The following STXBP5 variants were observed in gnomAD, a reference collection of about 807,000 sequenced individuals.
STXBP5 encodes syntaxin binding protein 5.
A neutral mutation model predicts 152.4 loss-of-function variants in STXBP5; 50 were observed. The ratio of observed to expected loss-of-function variants is 0.33; its 90% confidence interval spans 0.26 to 0.42. STXBP5 has a LOEUF of 0.42. STXBP5 is among the 10% of genes least tolerant of loss of function. The probability of loss-of-function intolerance (pLI) is 1.00; values close to 1 mark genes in which losing one functional copy is unlikely to be tolerated. For synonymous variants in STXBP5, 492 were observed against 494.7 expected (o/e 0.99, Z 0.07); for missense variants, 1,167 against 1,388.6 (o/e 0.84, Z 2.54).
chr6:147,229,748 AG>A (rs1777900354), intron 2 of STXBP5, among the ~76,000 whole-genome samples: 1 of 151,434 alleles, frequency 6.6e-6, no homozygotes, highest in Non-Finnish European at 1.5e-5. Context: ...TATTCATTCC[AG>A]TTTTTTTTAG....
Position 147,316,280 on chromosome 6 carries a change from G to A in STXBP5, c.1675G>A (p.Gly559Ser), listed in dbSNP as rs375927984. The A allele has an allele frequency of 1.4e-5, 23 of 1,613,720 alleles. No homozygotes were observed. Among genetic ancestry groups the A allele is most frequent in the Non-Finnish European group, 1.7e-5 (20 of 1,179,948 alleles). The change falls in exon 16 of 28, where the codon GGT becomes AGT. Residue 559 changes from glycine to serine, a missense_variant. Coordinates refer to ENST00000321680, the MANE Select transcript of STXBP5 (RefSeq NM_001127715.4). ...GATAAATGATGTGGAAACTCCGGAG[G>A]GTGAGCAGCCACCACCTTTGCCAAC... is the stretch of plus-strand genomic sequence containing the variant. ...YEINDVETPE[G>S]EQPPPLPTPV...
At position 147,260,716 on chromosome 6, in the gene STXBP5, G is replaced by A; in HGVS notation, c.533G>A (p.Gly178Asp). The change falls in exon 5 of 28, where the codon GGC (glycine) becomes GAC (aspartate). Residue 178 changes from glycine (G) to aspartate (D), a missense_variant. Coordinates refer to ENST00000321680, the MANE Select transcript of STXBP5 (RefSeq NM_001127715.4). ...IVNVESFTLS[G>D]YVIMWNKAIE... ...AATGTGGAGTCCTTCACACTCTCAG[G>A]CTACGTCATTATGTGGAATAAAGCC... 1 of 1,613,530 alleles carries A rather than the reference G, an allele frequency of 6.2e-7. No homozygotes were observed.
chr6:147,350,721 GTA>G (rs1315944912), intron 21 of STXBP5, among the ~76,000 whole-genome samples: 1 of 152,108 alleles, frequency 6.6e-6, no homozygotes, highest in Non-Finnish European at 1.5e-5. Context: ...TAGCTCATCT[GTA>G]TAGTGTTTTA....
chr6:147,242,339 C>A (rs118031434), intron 4 of STXBP5, among the ~76,000 whole-genome samples: 5,387 of 151,902 alleles, frequency 0.035, 146 homozygotes, highest in Admixed American at 0.054. Context: ...ATGTTTATGA[C>A]GTAAAGTTTA....
At chr6:147,322,789 T>G (rs1783003532) in intron 16 of STXBP5, among the ~76,000 whole-genome samples, 1 of 152,230 alleles carries the variant, frequency 6.6e-6, no homozygotes. Context: ...TGTTCACATT[T>G]TTTAAAAAAA....
chr6:147,362,572 T>C (rs1247174036), intron 23 of STXBP5, among the ~76,000 whole-genome samples: 1 of 152,160 alleles, frequency 6.6e-6, no homozygotes, highest in Non-Finnish European at 1.5e-5. Flanking sequence ...TTGTAAATCA[T>C]TTAAGAGGAA....
Position 147,316,423 on chromosome 6 carries a change from C to G in STXBP5, c.1802+16C>G. The G allele has an allele frequency of 6.7e-7, 1 of 1,484,112 alleles. No homozygotes were observed. Among genetic ancestry groups the G allele is most frequent in the Non-Finnish European group, 8.9e-7 (1 of 1,118,188 alleles). 91.9% of individuals were successfully genotyped at this position (1,484,112 alleles called of 1,614,324 possible). ...CTTGTTTAAAGTAAGTTATAAAAAA[C>G]TACAGAGGAGTTTTGGATATTATCT... On this transcript the variant is annotated intron_variant, in intron 16 of 27. Transcript: ENST00000321680.
intron 11 of STXBP5, among the ~76,000 whole-genome samples, chr6:147,311,871 TACTC>T (rs1484651510): frequency 6.6e-6 from 1 of 152,180 alleles, no homozygotes; most frequent in Non-Finnish European, 1.5e-5. Context: ...TTTCTACGTC[TACTC>T]ACTCTCAGTT....
chr6:147,231,319 C>G (rs77552191), intron 2 of STXBP5, among the ~76,000 whole-genome samples: 120 of 151,892 alleles, frequency 7.9e-4, no homozygotes, highest in Middle Eastern at 3.4e-3. Flanking sequence ...TACATCTTCT[C>G]TTCATAAATA....
intron 2 of STXBP5, among the ~76,000 whole-genome samples, chr6:147,211,171 G>A (rs1209814098): frequency 2.0e-5 from 3 of 151,902 alleles, no homozygotes; most frequent in Admixed American, 1.3e-4. Context: ...TTAGCCTGGC[G>A]TGGTGGTGCA....
Position 147,351,992 on chromosome 6 carries a change from A to C in STXBP5, c.2255-1331A>C, listed in dbSNP as rs148798694. Reference sequence around the variant, plus strand: ...TTTTTGAAAATTTCACATAGGAAGCACTTTTCTTTTACGCATGCACTACCA... The same window carrying C: ...TTTTTGAAAATTTCACATAGGAAGCCCTTTTCTTTTACGCATGCACTACCA... On this transcript the variant is annotated intron_variant, in intron 21 of 27. Transcript: ENST00000321680. 2.6e-4 allele frequency: 168 copies of C among 641,450 alleles called. 1 individual carries two copies. The African/African-American group carries it at 3.2e-3, about 12-fold the overall frequency. The allele number at this position is 641,450 out of a possible 1,614,324, so 39.7% of individuals were successfully genotyped here.
At chr6:147,219,747 A>G (rs966099256) in intron 2 of STXBP5, among the ~76,000 whole-genome samples, 1 of 143,226 alleles carries the variant, frequency 7.0e-6, no homozygotes, top group Non-Finnish European at 1.5e-5. Context: ...TTCATTTCTG[A>G]TGTTAGTAAT....
At chr6:147,384,258 G>A (rs887568807) in intron 27 of STXBP5, among the ~76,000 whole-genome samples, 2 of 152,036 alleles carry the variant, frequency 1.3e-5, no homozygotes, top group African/African-American at 4.8e-5. Flanking sequence ...TATTAAATGG[G>A]GAGAAAAACA....
chr6:147,378,438 G>A (rs573286748), intron 26 of STXBP5, among the ~76,000 whole-genome samples: 5 of 146,854 alleles, frequency 3.4e-5, no homozygotes, highest in East Asian at 4.0e-4. Context: ...ATTCTTATCC[G>A]TTCCTGATAG....
At chr6:147,220,249 T>C (rs1203242825) in intron 2 of STXBP5, among the ~76,000 whole-genome samples, 1 of 152,172 alleles carries the variant, frequency 6.6e-6, no homozygotes, top group African/African-American at 2.4e-5. Flanking sequence ...CATTGTATAG[T>C]TTCTATTCTT....
chr6:147,259,520 T>A (rs1347955321), intron 4 of STXBP5, among the ~76,000 whole-genome samples: 1 of 152,148 alleles, frequency 6.6e-6, no homozygotes, highest in Non-Finnish European at 1.5e-5. Context: ...TAAGAAAGAA[T>A]GAGAATGAGT....
chr6:147,345,730 A>G (rs1315742052), intron 21 of STXBP5, among the ~76,000 whole-genome samples: 1 of 152,208 alleles, frequency 6.6e-6, no homozygotes, highest in African/African-American at 2.4e-5. Flanking sequence ...GCTTGTTTAG[A>G]AAAAAGATGT....
rs528045659 is a variant in STXBP5 at position 147,251,361 on chromosome 6, G to T, written c.432-9254G>T. 1.3e-5 allele frequency among the ~76,000 whole-genome samples: 2 copies of T among 152,124 alleles called. 1 individual carries two copies. Among genetic ancestry groups the T allele is most frequent in the African/African-American group, 4.8e-5 (2 of 41,412 alleles). On this transcript the variant is annotated intron_variant, in intron 4 of 27. Coordinates refer to ENST00000321680, the MANE Select transcript of STXBP5 (RefSeq NM_001127715.4). ...CTGGGTTTCCAGCACAAAACTGGCC[G>T]GCCGTTTGGGCAGATACCGAGCTAG...
intron 18 of STXBP5, among the ~76,000 whole-genome samples, chr6:147,327,927 G>A (rs1216405806): frequency 6.6e-6 from 1 of 152,056 alleles, no homozygotes; most frequent in African/African-American, 2.4e-5. Context: ...TTGTTTAAAC[G>A]ATTTAATTCA....
Sources: gnomAD v4.1 joint callset for allele counts (sites outside exome capture counted in the v4.1 genomes callset) on GRCh38, gnomAD v4.1.1 for gene constraint, MANE v1.5 for transcripts, NCBI Gene and HGNC (gene_info 2026-07-23, HGNC 2026-07-21) for gene names.